The following HECTD2 variants were observed in gnomAD, a reference collection of about 807,000 sequenced individuals.
HECTD2 encodes HECT domain E3 ubiquitin protein ligase 2.
HECTD2 carries 35 observed loss-of-function variants against 103.2 expected under a neutral mutation model. The ratio of observed to expected loss-of-function variants is 0.34; its 90% CI spans 0.26 to 0.45. HECTD2 has a LOEUF of 0.45. Among genes scored for constraint, HECTD2 ranks in the 20% least tolerant of loss-of-function variants. HECTD2 has a pLI of 1.00. For missense variants in HECTD2, 596 were observed against 937.4 expected, an observed-to-expected ratio of 0.64 and a Z score of 4.76; for synonymous variants, 281 against 329.9, an observed-to-expected ratio of 0.85 and a Z score of 1.61.
At position 91,410,561 on chromosome 10, in the gene HECTD2, C is replaced by T; in HGVS notation, c.123C>T (p.Gly41=). ...REKLPPIVSA[G]AGATAGLDRG... ...AGCTGCCGCCCATCGTATCGGCGGG[C>T]GCCGGCGCGACCGCGGTAGGTGGTG... Residue 41 remains glycine (G), a synonymous_variant, in exon 1 of 21, where the codon GGC becomes GGT. Transcript: ENST00000298068. The T allele has an allele frequency of 2.1e-6, 3 of 1,432,372 alleles. No individual in the cohort carries two copies. Among genetic ancestry groups the T allele is most frequent in the Non-Finnish European group, 2.7e-6 (3 of 1,092,408 alleles). 88.7% of individuals were successfully genotyped at this position (1,432,372 alleles called of 1,614,324 possible). A position where few individuals can be genotyped will look rare whatever the true frequency, so the allele number is the denominator to read the frequency against.
intron 2 of HECTD2, among the ~76,000 whole-genome samples, chr10:91,449,980 TC>T (rs1844728337): frequency 6.6e-6 from 1 of 152,012 alleles, no homozygotes; most frequent in Non-Finnish European, 1.5e-5. Context: ...TTCAATGCTA[TC>T]CCCATCAAGC....
chr10:91,474,758 G>A (rs1178140589), intron 5 of HECTD2, among the ~76,000 whole-genome samples: 2 of 152,174 alleles, frequency 1.3e-5, no homozygotes, highest in East Asian at 1.9e-4. Context: ...GAAAACAAAT[G>A]TGAAGAAAGA....
At chr10:91,427,618 A>T (rs1245991126) in intron 2 of HECTD2, among the ~76,000 whole-genome samples, 1 of 151,902 alleles carries the variant, frequency 6.6e-6, no homozygotes, top group East Asian at 1.9e-4. Flanking sequence ...TCATTTTTTC[A>T]TGTGTTTTTT....
intron 2 of HECTD2, among the ~76,000 whole-genome samples, chr10:91,435,899 A>G (rs1844095462): frequency 6.6e-6 from 1 of 151,542 alleles, no homozygotes; most frequent in Non-Finnish European, 1.5e-5. Context: ...TTTCTTTTTT[A>G]CTTGTATTTC....
Position 91,484,943 on chromosome 10 carries a change from A to G in HECTD2, c.971-237A>G, listed in dbSNP as rs73316259. On this transcript the variant is annotated intron_variant, in intron 9 of 20. Coordinates refer to ENST00000298068, the MANE Select transcript of HECTD2 (RefSeq NM_182765.6). ...GAAATAGGAGTAAATGGCCATCTGC[A>G]TATTCCCTTTAATACTATTATAATC... 8.4e-3 allele frequency among the ~76,000 whole-genome samples: 1,272 copies of G among 152,104 alleles called. 19 individuals are homozygous for G. Among genetic ancestry groups the G allele is most frequent in the African/African-American group, 0.029 (1,194 of 41,526 alleles).
chr10:91,510,256 G>C (rs1032518911), intron 20 of HECTD2, among the ~76,000 whole-genome samples: 4 of 152,176 alleles, frequency 2.6e-5, no homozygotes, highest in South Asian at 2.1e-4. Context: ...CTTTAGTACA[G>C]AGTGTAATGT....
chr10:91,473,665 A>G (rs1421558933), intron 5 of HECTD2, among the ~76,000 whole-genome samples: 2 of 152,224 alleles, frequency 1.3e-5, no homozygotes, highest in Non-Finnish European at 2.9e-5. Context: ...GAAGATAAAG[A>G]GGATAAAGAC....
At chr10:91,501,570 T>A (rs955844170) in intron 20 of HECTD2, among the ~76,000 whole-genome samples, 1 of 152,150 alleles carries the variant, frequency 6.6e-6, no homozygotes, top group African/African-American at 2.4e-5. Context: ...CTAGGTCATA[T>A]AAGTGCTTTG....
chr10:91,457,058 A>G (rs1451882226), intron 2 of HECTD2, among the ~76,000 whole-genome samples: 1 of 152,146 alleles, frequency 6.6e-6, no homozygotes, highest in Non-Finnish European at 1.5e-5. Context: ...CTCTACACAC[A>G]TAAATTACAG....
intron 5 of HECTD2, among the ~76,000 whole-genome samples, chr10:91,469,401 A>C (rs148663877): frequency 8.2e-4 from 125 of 152,338 alleles, no homozygotes; most frequent in African/African-American, 2.9e-3. Flanking sequence ...CTAACAGCAG[A>C]CCTTTGAGCA....
At chr10:91,509,476 A>C (rs1847336842) in intron 20 of HECTD2, among the ~76,000 whole-genome samples, 1 of 152,098 alleles carries the variant, frequency 6.6e-6, no homozygotes, top group Non-Finnish European at 1.5e-5. Flanking sequence ...AAAGGAATAT[A>C]AATTATTCTG....
intron 2 of HECTD2, among the ~76,000 whole-genome samples, chr10:91,438,386 T>C (rs1844230332): frequency 6.6e-6 from 1 of 152,180 alleles, no homozygotes; most frequent in Non-Finnish European, 1.5e-5. Flanking sequence ...TCCAGCTTCA[T>C]CCATGCCCTG....
intron 2 of HECTD2, among the ~76,000 whole-genome samples, chr10:91,433,357 G>GT (rs769230775): frequency 3.3e-5 from 5 of 151,712 alleles, no homozygotes; most frequent in African/African-American, 9.7e-5. Context: ...CTTTCCTGTG[G>GT]TTTTTTAGGC....
chr10:91,489,106 A>G (rs1286254571), intron 11 of HECTD2: 2 of 152,158 alleles, frequency 1.3e-5, no homozygotes, highest in Non-Finnish European at 2.9e-5. Flanking sequence ...TAGCAAGACT[A>G]AACAGTTTTT....
chr10:91,431,305 C>T (rs943029654), intron 2 of HECTD2, among the ~76,000 whole-genome samples: 1 of 151,902 alleles, frequency 6.6e-6, no homozygotes, highest in African/African-American at 2.4e-5. Flanking sequence ...CTCTGGCTTC[C>T]CTTAACATTT....
At chr10:91,478,678 T>G (rs946935906) in intron 6 of HECTD2, among the ~76,000 whole-genome samples, 1 of 152,058 alleles carries the variant, frequency 6.6e-6, no homozygotes, top group Non-Finnish European at 1.5e-5. Context: ...ACTAAAATAT[T>G]TTTTTCTCTC....
chr10:91,425,534 G>A (rs1388190496), intron 2 of HECTD2, 124 bp downstream of exon 2: 2 of 591,666 alleles, frequency 3.4e-6, no homozygotes, highest in South Asian at 8.0e-5. Flanking sequence ...AGCTGTATAC[G>A]TATTTACCAG....
At chr10:91,460,994 A>G (rs1182669562) in intron 3 of HECTD2, among the ~76,000 whole-genome samples, 1 of 152,208 alleles carries the variant, frequency 6.6e-6, no homozygotes, top group African/African-American at 2.4e-5. Context: ...AAGTTTAGCT[A>G]TGAAGGGAAG....
At chr10:91,485,154 C>T in intron 9 of HECTD2, 26 bp from the exon 10 acceptor site, 1 of 1,477,490 alleles carries the variant, frequency 6.8e-7, no homozygotes, top group Non-Finnish European at 9.2e-7. Context: ...TGGAAAAAGT[C>T]TTTATGTTAG....
Sources: allele counts gnomAD v4.1 joint callset (sites outside exome capture counted in the v4.1 genomes callset), GRCh38; gene constraint gnomAD v4.1.1; transcripts MANE v1.5; gene names NCBI Gene and HGNC (gene_info 2026-07-23, HGNC 2026-07-21).